Variants in ICA1 observed in about 807,000 individuals in gnomAD.
The protein encoded by ICA1 is islet cell autoantigen 1.
ICA1 carries 40 observed loss-of-function variants against 71.0 expected under a neutral mutation model. The observed-to-expected ratio is 0.56, with a 90% CI of 0.44 to 0.73. ICA1 has a LOEUF of 0.73. Among genes scored for constraint, ICA1 ranks in the 30% least tolerant of loss-of-function variants. The probability of loss-of-function intolerance (pLI) is 0.00; values close to 1 mark genes in which losing one functional copy is unlikely to be tolerated. For synonymous variants in ICA1, 207 were observed against 209.5 expected (o/e 0.99, Z 0.10); for missense variants, 578 against 576.5 (o/e 1.00, Z -0.03).
chr7:8,181,223 T>C (rs1782111047), intron 6 of ICA1, among the ~76,000 whole-genome samples: 2 of 152,140 alleles, frequency 1.3e-5, no homozygotes, highest in Non-Finnish European at 2.9e-5. Context: ...AGCGTAATTT[T>C]CTAAAAAGAC....
chr7:8,251,524 T>C (rs1808202690), intron 1 of ICA1, among the ~76,000 whole-genome samples: 1 of 150,726 alleles, frequency 6.6e-6, no homozygotes. Context: ...ACATCTAAGA[T>C]AAAGCTTAGA....
At chr7:8,169,992 T>C (rs1189534753) in intron 6 of ICA1, among the ~76,000 whole-genome samples, 1 of 151,750 alleles carries the variant, frequency 6.6e-6, no homozygotes, top group East Asian at 1.9e-4. Flanking sequence ...GCACTTTTTC[T>C]TCTAGAAATG....
At chr7:8,262,330 C>T (rs979838060), upstream of ICA1, 1 of 152,222 alleles carries the variant, frequency 6.6e-6, no homozygotes, top group African/African-American at 2.4e-5. Context: ...TACCTACCGC[C>T]GCCTGGGCGC....
intron 6 of ICA1, among the ~76,000 whole-genome samples, chr7:8,178,574 CTT>C (rs879700745): frequency 0.012 from 1,590 of 138,124 alleles, 9 homozygotes; most frequent in Non-Finnish European, 0.017. Flanking sequence ...TTGGTGTGGT[CTT>C]TTTTTTTTTT....
intron 1 of ICA1, among the ~76,000 whole-genome samples, chr7:8,239,760 C>T (rs1043477239): frequency 1.4e-4 from 21 of 152,236 alleles, no homozygotes; most frequent in East Asian, 7.7e-4. Flanking sequence ...ACGCCTGGCT[C>T]GGCAGGTCCC....
intron 1 of ICA1, among the ~76,000 whole-genome samples, chr7:8,250,836 G>A (rs1807912802): frequency 6.6e-6 from 1 of 152,136 alleles, no homozygotes. Context: ...CACTACAGAT[G>A]CAAGCCACTG....
chr7:8,162,727 C>A (rs1156368640), intron 6 of ICA1, among the ~76,000 whole-genome samples: 1 of 152,002 alleles, frequency 6.6e-6, no homozygotes, highest in Non-Finnish European at 1.5e-5. Context: ...TTTCTGTTAC[C>A]CCATCTATCT....
In ICA1 at chr7:8,122,849, G is replaced by A. The variant is rs146553778; in HGVS notation, c.1330+5024C>T. On this transcript the variant is annotated intron_variant, in intron 13 of 13. Coordinates refer to ENST00000402384, the MANE Select transcript of ICA1 (RefSeq NM_001136020.3). ...AATTTGGAACAAGATTCCTAACTTC[G>A]GTTTGCAGAGTCCTAAATTAAAAGA... Among the ~76,000 whole-genome samples the A allele has an allele frequency of 3.3e-5, 5 of 152,342 alleles. No homozygotes were observed. The East Asian group carries it at 7.7e-4, about 23-fold the overall frequency.
intron 8 of ICA1, among the ~76,000 whole-genome samples, chr7:8,150,785 G>T (rs1314085648): frequency 1.3e-5 from 2 of 152,162 alleles, no homozygotes; most frequent in Non-Finnish European, 2.9e-5. Flanking sequence ...ATTTTTAATT[G>T]AAAGTTTGCA....
intron 1 of ICA1, among the ~76,000 whole-genome samples, chr7:8,249,551 G>A (rs868215250): frequency 1.3e-5 from 2 of 152,174 alleles, no homozygotes; most frequent in Admixed American, 6.5e-5. Context: ...GCCTTTGTTA[G>A]GGAGTTAGTT....
At chr7:8,142,034 G>T in intron 9 of ICA1, 3 of 1,459,918 alleles carry the variant, frequency 2.1e-6, no homozygotes, top group Non-Finnish European at 2.7e-6. Flanking sequence ...CTTTCATCTC[G>T]AGGCAAATAT....
In ICA1 at chr7:8,222,103, T is replaced by A. The variant is rs1350763690; in HGVS notation, c.257-705A>T. ...ACATTTAAAAAATCATAGAATTACA[T>A]GTATCTTTGGACTCTCCATGTCTAC... On this transcript the variant is annotated intron_variant, in intron 4 of 13. Coordinates refer to ENST00000402384, the MANE Select transcript of ICA1 (RefSeq NM_001136020.3). This position sits in a 1 kb window ranked among gnomAD's most constrained non-coding sequence, Gnocchi z 4.8. 1.3e-5 allele frequency among the ~76,000 whole-genome samples: 2 copies of A among 152,264 alleles called. No individual in the cohort carries two copies. The highest frequency in any genetic ancestry group is 3.9e-4 in the East Asian group (2 of 5,174).
At chr7:8,127,005 C>T (rs903709549) in intron 13 of ICA1, among the ~76,000 whole-genome samples, 1 of 150,560 alleles carries the variant, frequency 6.6e-6, no homozygotes, top group Admixed American at 6.6e-5. Context: ...GACAGAGTCT[C>T]ACTCTGTTGC....
At chr7:8,214,553 G>A (rs774733317) in intron 6 of ICA1, among the ~76,000 whole-genome samples, 10 of 152,090 alleles carry the variant, frequency 6.6e-5, no homozygotes, top group Non-Finnish European at 1.0e-4. Context: ...CAGGTATCCC[G>A]TCCCTCATGG....
intron 6 of ICA1, among the ~76,000 whole-genome samples, chr7:8,206,733 GAAAAAAAAAAAA>G (rs60704635): frequency 0.62 from 84,620 of 135,994 alleles, 29,293 homozygotes; most frequent in Non-Finnish European, 0.77. Flanking sequence ...GGTTTAAAAT[GAAAAAAAAAAAA>G]AAAAAAAAAA....
At chr7:8,116,549 G>A (rs1336078868) in intron 13 of ICA1, 5 of 152,210 alleles carry the variant, frequency 3.3e-5, no homozygotes, top group African/African-American at 1.2e-4. Context: ...ATAAACTATT[G>A]CTATGGATAA....
intron 6 of ICA1, among the ~76,000 whole-genome samples, chr7:8,163,458 T>C (rs886637073): frequency 3.3e-5 from 5 of 152,230 alleles, no homozygotes; most frequent in African/African-American, 7.2e-5. Flanking sequence ...CAAATACTTA[T>C]TGAGTATCTT....
chr7:8,124,905 CA>C (rs1788562658), intron 13 of ICA1, among the ~76,000 whole-genome samples: 1 of 152,072 alleles, frequency 6.6e-6, no homozygotes, highest in Admixed American at 6.6e-5. Context: ...TCTCCTGCCT[CA>C]GCCTCCCGAG....
chr7:8,212,856 T>C (rs1196374513), intron 6 of ICA1, among the ~76,000 whole-genome samples: 1 of 152,196 alleles, frequency 6.6e-6, no homozygotes, highest in Non-Finnish European at 1.5e-5. Flanking sequence ...TAAAGCTAAT[T>C]TTTGCTATTT....
Sources: gnomAD v4.1 joint callset for allele counts (sites outside exome capture counted in the v4.1 genomes callset) on GRCh38, gnomAD v4.1.1 for gene constraint, Gnocchi (gnomAD v3.1) non-coding constraint, MANE v1.5 for transcripts, NCBI Gene and HGNC (gene_info 2026-07-23, HGNC 2026-07-21) for gene names.